The following SLC16A10 variants were observed in gnomAD, a reference collection of about 807,000 sequenced individuals.
The protein encoded by SLC16A10 is monocarboxylate transporter 10.
In SLC16A10, 27 loss-of-function variants were observed where a neutral mutation model predicts 40.0. The observed-to-expected ratio is 0.67, with a 90% CI of 0.50 to 0.93. The LOEUF (loss-of-function observed/expected upper bound fraction) is 0.93, where lower values mean the gene tolerates loss of function less well. Among genes scored for constraint, SLC16A10 ranks in the 40% least tolerant of loss-of-function variants. The probability of loss-of-function intolerance (pLI) is 0.00; values close to 1 mark genes in which losing one functional copy is unlikely to be tolerated. For missense variants in SLC16A10, 529 were observed against 658.2 expected (o/e 0.80, Z 2.15); for synonymous variants, 213 against 249.8 (o/e 0.85, Z 1.39).
At chr6:111,121,866 A>G (rs1287392264) in intron 1 of SLC16A10, among the ~76,000 whole-genome samples, 2 of 152,194 alleles carry the variant, frequency 1.3e-5, no homozygotes, top group African/African-American at 4.8e-5. Context: ...TTTGTAAGTT[A>G]TAAGCCCAGT....
rs544016118 is a variant in SLC16A10, at chr6:111,200,013, C to T, written c.943-6579C>T. On this transcript the variant is annotated intron_variant, in intron 3 of 5. Transcript: ENST00000368851. Reference sequence around the variant, plus strand: ...CTTTTTTCCCAGTCCTTTTTCATGTCTTAACAGTGCCATGCATGATTATCT... The same window carrying T: ...CTTTTTTCCCAGTCCTTTTTCATGTTTTAACAGTGCCATGCATGATTATCT... Among the ~76,000 whole-genome samples, 34 of 151,856 alleles carry T rather than the reference C, an allele frequency of 2.2e-4. No individual in the cohort carries two copies. In the South Asian group the frequency reaches 6.9e-3, roughly 31 times the overall value.
chr6:111,183,475 G>A (rs1772841088), intron 3 of SLC16A10, among the ~76,000 whole-genome samples: 1 of 152,158 alleles, frequency 6.6e-6, no homozygotes, highest in Non-Finnish European at 1.5e-5. Flanking sequence ...CACACTGGGT[G>A]CTCAAATATT....
At chr6:111,203,721 A>AATAAATAC (rs1473731965) in intron 3 of SLC16A10, among the ~76,000 whole-genome samples, 3 of 140,558 alleles carry the variant, frequency 2.1e-5, no homozygotes, top group African/African-American at 8.1e-5. Context: ...CCCCATCTCA[A>AATAAATAC]ATAAATAAAT....
intron 1 of SLC16A10, among the ~76,000 whole-genome samples, chr6:111,102,880 T>C (rs1199596506): frequency 6.6e-6 from 1 of 152,148 alleles, no homozygotes; most frequent in Non-Finnish European, 1.5e-5. Context: ...TGGGGTATGT[T>C]AAAAATTTTG....
At chr6:111,131,389 C>G (rs1354245888) in intron 1 of SLC16A10, among the ~76,000 whole-genome samples, 1 of 152,182 alleles carries the variant, frequency 6.6e-6, no homozygotes, top group Non-Finnish European at 1.5e-5. Context: ...GGCCAAGAAC[C>G]CCAGGTCAGA....
chr6:111,161,420 C>T (rs940346230), intron 1 of SLC16A10, among the ~76,000 whole-genome samples: 3 of 151,876 alleles, frequency 2.0e-5, no homozygotes, highest in South Asian at 2.1e-4. Flanking sequence ...GTTCCTACAC[C>T]CCTATCTGCC....
intron 1 of SLC16A10, among the ~76,000 whole-genome samples, chr6:111,171,118 C>T (rs1214121275): frequency 6.6e-6 from 1 of 152,128 alleles, no homozygotes; most frequent in Non-Finnish European, 1.5e-5. Flanking sequence ...GCCTGGGTGA[C>T]ACAGCGAGAC....
At chr6:111,184,771 C>T (rs751047896) in intron 3 of SLC16A10, among the ~76,000 whole-genome samples, 2 of 152,132 alleles carry the variant, frequency 1.3e-5, no homozygotes, top group African/African-American at 4.8e-5. Flanking sequence ...TTAACCACCG[C>T]CCCTGGCCAT....
chr6:111,164,925 A>C (rs1416451378), intron 1 of SLC16A10, among the ~76,000 whole-genome samples: 1 of 152,244 alleles, frequency 6.6e-6, no homozygotes, highest in Non-Finnish European at 1.5e-5. Context: ...AAATCATTTG[A>C]ACTAAAAGGT....
In SLC16A10 at chr6:111,225,462, A is replaced by G. The variant is rs960482196; in HGVS notation, c.*3227A>G. On this transcript the variant is annotated 3_prime_UTR_variant, in exon 6 of 6. Coordinates refer to ENST00000368851, the MANE Select transcript of SLC16A10 (RefSeq NM_018593.5). Reference sequence around the variant, plus strand: ...TCCCAGCTACTCGGGAAGCTGAGGCAGGAGAAGAATCCAGGAGGCAGAGGT... The same window carrying G: ...TCCCAGCTACTCGGGAAGCTGAGGCGGGAGAAGAATCCAGGAGGCAGAGGT... 1 of 151,450 alleles carries G rather than the reference A, an allele frequency of 6.6e-6. No individual in the cohort carries two copies. The highest frequency in any genetic ancestry group is 2.4e-5 in the African/African-American group (1 of 41,160). The allele number at this position is 151,450 out of a possible 1,614,324, so 9.4% of individuals were successfully genotyped here. A position where few individuals can be genotyped will look rare whatever the true frequency, so the allele number is the denominator to read the frequency against.
At chr6:111,132,905 C>T (rs997519526) in intron 1 of SLC16A10, among the ~76,000 whole-genome samples, 2 of 152,212 alleles carry the variant, frequency 1.3e-5, no homozygotes, top group African/African-American at 4.8e-5. Context: ...TCTGCTCAAA[C>T]ATGCGAGCTA....
intron 1 of SLC16A10, among the ~76,000 whole-genome samples, chr6:111,096,119 A>T (rs1263017182): frequency 2.0e-5 from 3 of 152,198 alleles, no homozygotes; most frequent in Admixed American, 6.5e-5. Flanking sequence ...CTTATGTCAA[A>T]GTTGTCCTGA....
intron 1 of SLC16A10, among the ~76,000 whole-genome samples, chr6:111,159,794 A>G (rs1772338263): frequency 6.6e-6 from 1 of 152,166 alleles, no homozygotes; most frequent in Non-Finnish European, 1.5e-5. Flanking sequence ...GTTGCTCTAC[A>G]TCCTCACCAA....
chr6:111,189,292 C>G (rs929080944), intron 3 of SLC16A10, among the ~76,000 whole-genome samples: 2 of 152,104 alleles, frequency 1.3e-5, no homozygotes, highest in Non-Finnish European at 2.9e-5. Flanking sequence ...GTAAGTACAT[C>G]CTTTGGGTAA....
intron 1 of SLC16A10, among the ~76,000 whole-genome samples, chr6:111,109,725 T>A (rs577704646): frequency 3.3e-5 from 5 of 152,294 alleles, no homozygotes; most frequent in Non-Finnish European, 7.4e-5. Context: ...GTGTTGGGGT[T>A]ACAAGTGTGA....
At chr6:111,217,512 T>C (rs1213901309) in intron 4 of SLC16A10, among the ~76,000 whole-genome samples, 1 of 152,134 alleles carries the variant, frequency 6.6e-6, no homozygotes, top group Non-Finnish European at 1.5e-5. Context: ...TGCAGTGGCA[T>C]GATCTCGGCT....
chr6:111,106,083 G>A (rs1022092), intron 1 of SLC16A10, among the ~76,000 whole-genome samples: 66,356 of 152,014 alleles, frequency 0.44, 16,460 homozygotes, highest in East Asian at 0.67. Flanking sequence ...GTGAACTGAA[G>A]TACTGGCTTA....
chr6:111,161,240 A>G (rs1023589306), intron 1 of SLC16A10, among the ~76,000 whole-genome samples: 10 of 151,028 alleles, frequency 6.6e-5, no homozygotes, highest in African/African-American at 2.4e-4. Flanking sequence ...AAAAAAAAAA[A>G]AAAAAAGAAA....
At chr6:111,111,896 C>T (rs903906264) in intron 1 of SLC16A10, among the ~76,000 whole-genome samples, 2 of 152,180 alleles carry the variant, frequency 1.3e-5, no homozygotes, top group African/African-American at 4.8e-5. Flanking sequence ...ATGACTTTGT[C>T]ATCTCTCTTC....
Sources: gnomAD v4.1 joint callset for allele counts (sites outside exome capture counted in the v4.1 genomes callset) on GRCh38, gnomAD v4.1.1 for gene constraint, MANE v1.5 for transcripts, NCBI Gene and HGNC (gene_info 2026-07-23, HGNC 2026-07-21) for gene names.